Variants in CFAP54 observed in about 807,000 individuals in gnomAD.
The protein encoded by CFAP54 is cilia and flagella associated protein 54, also known as cilia- and flagella-associated protein 54.
Under a neutral mutation model 370.4 loss-of-function variants are expected in CFAP54, and 290 were observed. The observed-to-expected ratio is 0.78, with a 90% CI of 0.71 to 0.86. CFAP54 has a LOEUF of 0.86. Among genes scored for constraint, CFAP54 ranks in the 40% least tolerant of loss-of-function variants. CFAP54 has a pLI of 0.00. For missense variants in CFAP54, 3,399 were observed against 3,528.7 expected (o/e 0.96, Z 0.93); for synonymous variants, 1,206 against 1,236.5 (o/e 0.98, Z 0.52).
At chr12:96,591,616 G>A (rs1366310362) in intron 23 of CFAP54, among the ~76,000 whole-genome samples, 2 of 152,034 alleles carry the variant, frequency 1.3e-5, no homozygotes, top group East Asian at 1.9e-4. Context: ...TTGGCCGGGC[G>A]CGGTGGCTCA....
intron 64 of CFAP54, among the ~76,000 whole-genome samples, chr12:96,814,082 T>C (rs1451645283): frequency 6.6e-6 from 1 of 152,158 alleles, no homozygotes; most frequent in Non-Finnish European, 1.5e-5. Context: ...ATGGGGCCAT[T>C]TACTCTGCCA....
At chr12:96,825,241 T>C (rs1003081113) in intron 65 of CFAP54, among the ~76,000 whole-genome samples, 3 of 124,730 alleles carry the variant, frequency 2.4e-5, no homozygotes, top group African/African-American at 9.3e-5. Context: ...ACATCTAGGA[T>C]CCTAGATATT....
intron 63 of CFAP54, among the ~76,000 whole-genome samples, chr12:96,808,917 A>T (rs1340276210): frequency 6.6e-6 from 1 of 152,198 alleles, no homozygotes; most frequent in African/African-American, 2.4e-5. Context: ...CCCAGGAGGT[A>T]AAAAGACCTT....
chr12:96,554,585 A>G lies in CFAP54; in HGVS notation c.2284-91A>G, dbSNP rs1207418626. The G allele has an allele frequency of 5.5e-6, 7 of 1,276,470 alleles. No homozygotes were observed. The South Asian group carries it at 6.5e-5, about 12-fold the overall frequency. The allele number at this position is 1,276,470 out of a possible 1,614,324, so 79.1% of individuals were successfully genotyped here. ...GCAGAATGTAATGGTTACAAATAAG[A>G]TGATGATAACTTGAGTGATAATAGT... is the stretch of plus-strand genomic sequence containing the variant. On this transcript the variant is annotated intron_variant, in intron 16 of 67. Transcript: ENST00000524981.
chr12:96,707,521 G>A (rs187573944), intron 47 of CFAP54, among the ~76,000 whole-genome samples: 43 of 152,278 alleles, frequency 2.8e-4, no homozygotes, highest in African/African-American at 9.4e-4. Context: ...TTGCTGTGAA[G>A]GGGAGGAAAG....
chr12:96,493,451 TTATAGTC>T (rs749768115), intron 1 of CFAP54, among the ~76,000 whole-genome samples: 3 of 152,254 alleles, frequency 2.0e-5, no homozygotes, highest in Non-Finnish European at 2.9e-5. Context: ...TTCTCAGACT[TTATAGTC>T]TAGAGAGGGA....
intron 55 of CFAP54, among the ~76,000 whole-genome samples, chr12:96,749,051 G>T (rs1288490746): frequency 6.6e-6 from 1 of 152,154 alleles, no homozygotes; most frequent in Non-Finnish European, 1.5e-5. Flanking sequence ...CTCAAAAATG[G>T]GAGTTTTTAC....
chr12:96,791,625 A>T (rs1174959337), intron 62 of CFAP54, among the ~76,000 whole-genome samples: 2 of 152,168 alleles, frequency 1.3e-5, no homozygotes, highest in African/African-American at 4.8e-5. Context: ...TCCATATGGC[A>T]TTGCAAAAAA....
intron 60 of CFAP54, among the ~76,000 whole-genome samples, chr12:96,780,429 C>T (rs778330083): frequency 1.3e-5 from 2 of 151,872 alleles, no homozygotes; most frequent in Non-Finnish European, 2.9e-5. Context: ...CGAAAAAGAC[C>T]CCTTCTTTAC....
chr12:96,580,874 TA>T (rs1221262728), intron 21 of CFAP54, 45 bp from the exon 22 acceptor site: 17 of 1,307,758 alleles, frequency 1.3e-5, no homozygotes, highest in Non-Finnish European at 1.7e-5. Flanking sequence ...AAAGTCATGT[TA>T]TTTTAATTTT....
At chr12:96,573,476 C>T (rs559542128) in intron 19 of CFAP54, among the ~76,000 whole-genome samples, 43 of 152,202 alleles carry the variant, frequency 2.8e-4, no homozygotes, top group South Asian at 1.5e-3. Flanking sequence ...TTCGTCCCCT[C>T]AGGGAGCCAA....
chr12:96,817,789 A>G lies in CFAP54; in HGVS notation c.8972A>G (p.His2991Arg). ...GTTATTTTCAGGGTTATTGCAATTC[A>G]TGAGAAATTATCTAATCTTGCTCAA... Reference protein sequence around the residue: ...WIPLNRVIAIHEKLSNLAQIA... With the variant: ...WIPLNRVIAIREKLSNLAQIA... The change falls in exon 65 of 68, where the codon CAT becomes CGT. Residue 2991 changes from histidine to arginine, a missense_variant. His to Arg is a conservative substitution (Grantham distance 29). This residue lies in a region of CFAP54 where 2,796 missense variants were observed against 2,869.7 expected (regional missense o/e 0.97). Transcript: ENST00000524981. 6.8e-7 allele frequency: 1 copy of G among 1,477,678 alleles called. No homozygotes were observed. The highest frequency in any genetic ancestry group is 9.0e-7 in the Non-Finnish European group (1 of 1,116,872). 91.5% of individuals were successfully genotyped at this position (1,477,678 alleles called of 1,614,324 possible).
chr12:96,727,641 C>T lies in CFAP54; in HGVS notation c.6965+7076C>T, dbSNP rs546007684. Among the ~76,000 whole-genome samples the T allele has an allele frequency of 4.2e-3, 632 of 152,038 alleles. 2 individuals carry two copies. The highest frequency in any genetic ancestry group is 0.015 in the African/African-American group (606 of 41,428). ...TTGACTTTTTATCCAATTTGCCAGT[C>T]TGTGTCTTTTAATTGGAGCACTTAG... is the stretch of plus-strand genomic sequence containing the variant. On this transcript the variant is annotated intron_variant, in intron 50 of 67. Coordinates refer to ENST00000524981, the MANE Select transcript of CFAP54 (RefSeq NM_001306084.2).
intron 20 of CFAP54, among the ~76,000 whole-genome samples, chr12:96,579,904 T>C (rs185953451): frequency 6.6e-6 from 1 of 151,850 alleles, no homozygotes; most frequent in Non-Finnish European, 1.5e-5. Context: ...AAACTAAATA[T>C]AAAAATTATC....
chr12:96,682,049 C>T (rs539942845), intron 40 of CFAP54: 2 of 588,510 alleles, frequency 3.4e-6, no homozygotes, highest in Admixed American at 6.3e-5. Flanking sequence ...TATTTCCTTT[C>T]TTTTTGCTTT....
At chr12:96,600,543 T>C (rs548269280) in intron 26 of CFAP54, among the ~76,000 whole-genome samples, 79 of 152,332 alleles carry the variant, frequency 5.2e-4, no homozygotes, top group African/African-American at 1.9e-3. Context: ...GGTAGCTTGA[T>C]GGGGATGGCA....
In CFAP54 at chr12:96,612,776, A is replaced by G. The variant is rs188367210; in HGVS notation, c.3640-8814A>G. On this transcript the variant is annotated intron_variant, in intron 26 of 67. Coordinates refer to ENST00000524981, the MANE Select transcript of CFAP54 (RefSeq NM_001306084.2). Reference sequence around the variant, plus strand: ...ACAGAGATCAAAAGAGACAAAGAAGACCATTACATAATGGTAAAGGGATCA... The same window carrying G: ...ACAGAGATCAAAAGAGACAAAGAAGGCCATTACATAATGGTAAAGGGATCA... Among the ~76,000 whole-genome samples, 457 of 152,210 alleles carry G rather than the reference A, an allele frequency of 3.0e-3. 3 individuals are homozygous for G. The highest frequency in any genetic ancestry group is 0.01 in the African/African-American group (418 of 41,526).
intron 33 of CFAP54, chr12:96,646,231 C>T (rs1358360130): frequency 6.6e-6 from 1 of 152,080 alleles, no homozygotes; most frequent in Non-Finnish European, 1.5e-5. Context: ...CCAGAATCTA[C>T]AATGAACTCA....
intron 48 of CFAP54, among the ~76,000 whole-genome samples, 181 bp downstream of exon 48, chr12:96,708,984 A>G (rs1313751588): frequency 6.6e-6 from 1 of 152,250 alleles, no homozygotes; most frequent in African/African-American, 2.4e-5. Flanking sequence ...GTGTTTATAT[A>G]TATATCCATA....
Sources: allele counts gnomAD v4.1 joint callset (sites outside exome capture counted in the v4.1 genomes callset), GRCh38; gene constraint gnomAD v4.1.1; regional missense constraint gnomAD v4.1.1; transcripts MANE v1.5; gene names NCBI Gene and HGNC (gene_info 2026-07-23, HGNC 2026-07-21).